The following PIK3R3 variants were observed in gnomAD, a reference collection of about 807,000 sequenced individuals.
PIK3R3 encodes the protein phosphoinositide-3-kinase regulatory subunit 3, also known as phosphatidylinositol 3-kinase regulatory subunit gamma.
Under a neutral mutation model 62.9 loss-of-function variants are expected in PIK3R3, and 64 were observed. That is an observed-to-expected ratio of 1.02 (90% CI 0.83 to 1.25). The LOEUF (loss-of-function observed/expected upper bound fraction) is 1.25, where lower values mean the gene tolerates loss of function less well. PIK3R3 is among the 50% of genes most tolerant of loss of function. The probability of loss-of-function intolerance (pLI) is 0.00; values close to 1 mark genes in which losing one functional copy is unlikely to be tolerated. For synonymous variants in PIK3R3, 165 were observed against 189.0 expected, an observed-to-expected ratio of 0.87 and a Z score of 1.04; for missense variants, 614 against 561.6, an observed-to-expected ratio of 1.09 and a Z score of -0.94.
the PIK3R3 span, among the ~76,000 whole-genome samples, chr1:46,172,982 G>A: frequency 6.6e-6 from 1 of 152,128 alleles, no homozygotes; most frequent in Middle Eastern, 3.4e-3. Context: ...AACAGAGCCA[G>A]GCGCTGTCTC....
intron 1 of PIK3R3, chr1:46,105,221 C>A: frequency 2.4e-6 from 1 of 423,532 alleles, no homozygotes. Flanking sequence ...AACAGCTCAT[C>A]AGCTGGGCAC....
At chr1:46,130,099 T>C (rs1655446143) in intron 1 of PIK3R3, among the ~76,000 whole-genome samples, 1 of 152,322 alleles carries the variant, frequency 6.6e-6, no homozygotes, top group East Asian at 1.9e-4. Context: ...GGCTAATATA[T>C]TTCAACCATA....
intron 7 of PIK3R3, among the ~76,000 whole-genome samples, chr1:46,054,461 G>C (rs1488158021): frequency 6.8e-6 from 1 of 147,278 alleles, no homozygotes; most frequent in Non-Finnish European, 1.5e-5. Flanking sequence ...TTCTGCCACA[G>C]TTCCAATCTC....
intron 3 of PIK3R3, among the ~76,000 whole-genome samples, chr1:46,076,917 TA>T (rs910939916): frequency 2.6e-5 from 4 of 152,110 alleles, no homozygotes; most frequent in South Asian, 2.1e-4. Context: ...ATTTCCTTTT[TA>T]AAAAAAATCA....
chr1:46,118,961 T>C (rs761500222), intron 1 of PIK3R3, among the ~76,000 whole-genome samples: 26 of 152,020 alleles, frequency 1.7e-4, no homozygotes, highest in Admixed American at 1.3e-3. Context: ...GGGTAGGTCA[T>C]CTGATATCCT....
At position 46,045,901 on chromosome 1, in the gene PIK3R3, C is replaced by A. The variant is rs1013954326; in HGVS notation, c.1187+17G>T. On this transcript the variant is annotated intron_variant, in intron 9 of 9. Transcript: ENST00000262741. ...TGCAAAAGATTTCAAAAGGTTATAT[C>A]CCCAGAGAAGACTTACACCACAGAG... The A allele has an allele frequency of 6.2e-7, 1 of 1,600,848 alleles. No individual in the cohort carries two copies. Among genetic ancestry groups the A allele is most frequent in the African/African-American group, 1.3e-5 (1 of 74,536 alleles).
chr1:46,080,444 C>T (rs1650474457), intron 2 of PIK3R3, among the ~76,000 whole-genome samples, 198 bp downstream of exon 2: 1 of 151,878 alleles, frequency 6.6e-6, no homozygotes, highest in Admixed American at 6.6e-5. Flanking sequence ...ACTCTGTTGC[C>T]CAGGCTGGAG....
chr1:46,055,832 GGTC>G lies in PIK3R3; in HGVS notation c.901_903del (p.Asp301del). On this transcript the variant is annotated inframe_deletion, in exon 7 of 10. Coordinates refer to ENST00000262741, the MANE Select transcript of PIK3R3 (RefSeq NM_003629.4). The stretch of plus-strand genomic sequence containing the variant: ...TCTCGGATCTTTCGCAGCTGGATCA[GGTC>G]AGGTTTGATGCTATTCATTTTTTTA... 1.4e-6 allele frequency: 2 copies of G among 1,420,978 alleles called. No individual in the cohort carries two copies. The highest frequency in any genetic ancestry group is 2.6e-5 in the East Asian group (1 of 37,816). 88.0% of individuals were successfully genotyped at this position (1,420,978 alleles called of 1,614,324 possible).
At chr1:46,173,488 G>T in the PIK3R3 span, among the ~76,000 whole-genome samples, 1 of 152,168 alleles carries the variant, frequency 6.6e-6, no homozygotes, top group South Asian at 2.1e-4. Flanking sequence ...GCACCTTAAG[G>T]GGTGGAGACC....
rs969721696 is a variant in PIK3R3, at chr1:46,046,043, A to T, written c.1062T>A (p.Asp354Glu). ...TATCCTCAACAAACCAGGTTTTCTC[A>T]TCATAATGGGGCAGGTTTTCATCTT... The part of the protein sequence containing the change: ...NEEDENLPHY[D>E]EKTWFVEDIN... The change falls in exon 9 of 10, where the codon GAT (aspartate) becomes GAA (glutamate). Residue 354 changes from aspartate (D) to glutamate (E), a missense_variant. Physicochemically the swap from Asp to Glu is conservative, Grantham distance 45. Transcript: ENST00000262741. 7 of 1,610,922 alleles carry T rather than the reference A, an allele frequency of 4.3e-6. No individual in the cohort carries two copies. The African/African-American group carries it at 6.7e-5, about 15-fold the overall frequency.
At position 46,132,004 on chromosome 1, in the gene PIK3R3, T is replaced by C. The variant is rs776622261; in HGVS notation, c.-52A>G. ...AGATATATAGAAGGCATATATTTTT[T>C]ATCTGGTATTTAAAAATCTAAAAAT... On this transcript the variant is annotated 5_prime_UTR_variant, in exon 1 of 10. It adds an upstream start codon to the 5' untranslated region. Transcript: ENST00000262741. The C allele has an allele frequency of 1.9e-6, 3 of 1,586,374 alleles. No homozygotes were observed. The highest frequency in any genetic ancestry group is 2.6e-6 in the Non-Finnish European group (3 of 1,171,316).
chr1:46,170,411 G>GTGTTTGTT, the PIK3R3 span, among the ~76,000 whole-genome samples: 1 of 151,970 alleles, frequency 6.6e-6, no homozygotes. Flanking sequence ...GTCTGGTTTG[G>GTGTTTGTT]TGTTTGTTTG....
intron 1 of PIK3R3, among the ~76,000 whole-genome samples, chr1:46,092,038 C>T (rs980505791): frequency 9.2e-5 from 14 of 152,082 alleles, no homozygotes; most frequent in African/African-American, 3.4e-4. Context: ...GTGAATACAG[C>T]GGGCCCACCA....
chr1:46,163,835 C>T, the PIK3R3 span, among the ~76,000 whole-genome samples: 3 of 152,314 alleles, frequency 2.0e-5, no homozygotes, highest in Admixed American at 6.5e-5. Context: ...AAAATAGAGA[C>T]GGTAATCTCC....
intron 1 of PIK3R3, among the ~76,000 whole-genome samples, chr1:46,100,353 T>A (rs1190912213): frequency 6.6e-6 from 1 of 152,198 alleles, no homozygotes; most frequent in Admixed American, 6.5e-5. Context: ...TCCATATAAA[T>A]AACCAATTGT....
At chr1:46,172,918 G>A in the PIK3R3 span, among the ~76,000 whole-genome samples, 3 of 152,238 alleles carry the variant, frequency 2.0e-5, no homozygotes, top group South Asian at 6.2e-4. Flanking sequence ...ACTTGACTCT[G>A]GGAGAAGACG....
At chr1:46,167,309 C>T in the PIK3R3 span, among the ~76,000 whole-genome samples, 3 of 152,250 alleles carry the variant, frequency 2.0e-5, no homozygotes, top group African/African-American at 7.2e-5. Flanking sequence ...GTCCCCATCC[C>T]TTCCTGGTCC....
chr1:46,070,164 G>T (rs1649357354), intron 3 of PIK3R3, among the ~76,000 whole-genome samples: 1 of 152,180 alleles, frequency 6.6e-6, no homozygotes, highest in Non-Finnish European at 1.5e-5. Context: ...ATATTTATAT[G>T]CTGATGGGAA....
intron 1 of PIK3R3, among the ~76,000 whole-genome samples, chr1:46,108,043 T>C (rs748076843): frequency 2.0e-5 from 3 of 152,234 alleles, no homozygotes; most frequent in Non-Finnish European, 2.9e-5. Context: ...ATAATTGTCT[T>C]CATGTGAATA....
Sources: allele counts gnomAD v4.1 joint callset (sites outside exome capture counted in the v4.1 genomes callset), GRCh38; gene constraint gnomAD v4.1.1; transcripts MANE v1.5; gene names NCBI Gene and HGNC (gene_info 2026-07-23, HGNC 2026-07-21).